Variants in HLCS observed in about 807,000 individuals in gnomAD.
The protein encoded by HLCS is biotin--protein ligase.
HLCS carries 53 observed loss-of-function variants against 75.0 expected under a neutral mutation model. That is an observed-to-expected ratio of 0.71 (90% CI 0.57 to 0.89). The LOEUF (loss-of-function observed/expected upper bound fraction) is 0.89, where lower values mean the gene tolerates loss of function less well. HLCS is among the 40% of genes least tolerant of loss of function. The pLI, the probability that HLCS is intolerant of heterozygous loss-of-function variation, is 0.00. For synonymous variants in HLCS, 431 were observed against 428.6 expected (o/e 1.01, Z -0.07); for missense variants, 966 against 1,074.0 (o/e 0.90, Z 1.41).
chr21:36,906,912 T>A (rs373492374), intron 5 of HLCS, among the ~76,000 whole-genome samples: 73 of 152,228 alleles, frequency 4.8e-4, no homozygotes, highest in African/African-American at 1.5e-3. Context: ...TGTGATTGAT[T>A]TTTTTTAATT....
At chr21:36,888,429 A>AT (rs1212386745) in intron 6 of HLCS, among the ~76,000 whole-genome samples, 22 of 51,590 alleles carry the variant, frequency 4.3e-4, no homozygotes, top group African/African-American at 1.3e-3. Flanking sequence ...CCCCCTTCCC[A>AT]TTTAAAAAAA....
intron 2 of HLCS, among the ~76,000 whole-genome samples, chr21:36,952,660 G>A (rs969691129): frequency 6.6e-6 from 1 of 151,932 alleles, no homozygotes; most frequent in African/African-American, 2.4e-5. Flanking sequence ...TTGTGGTGGT[G>A]CAGGCCTGCA....
chr21:36,891,699 C>G (rs1650335129), intron 6 of HLCS, among the ~76,000 whole-genome samples: 1 of 152,210 alleles, frequency 6.6e-6, no homozygotes, highest in South Asian at 2.1e-4. Context: ...GTCCTTGACA[C>G]TCTCAGCAAG....
chr21:36,909,677 T>C (rs2065618402), intron 5 of HLCS, among the ~76,000 whole-genome samples: 1 of 152,188 alleles, frequency 6.6e-6, no homozygotes, highest in African/African-American at 2.4e-5. Flanking sequence ...ACTGTAACCT[T>C]GAACTCCTGG....
At chr21:36,985,991 G>A (rs1164749159) in intron 1 of HLCS, among the ~76,000 whole-genome samples, 2 of 152,150 alleles carry the variant, frequency 1.3e-5, no homozygotes, top group African/African-American at 2.4e-5. Context: ...TGTGGAGTGA[G>A]GCTTTGGCAT....
chr21:36,761,570 C>T (rs1223777921), intron 8 of HLCS, among the ~76,000 whole-genome samples: 1 of 152,198 alleles, frequency 6.6e-6, no homozygotes, highest in South Asian at 2.1e-4. Flanking sequence ...GGAGACTTCC[C>T]TGGTTGTCAC....
At chr21:36,785,786 G>A (rs1200182948) in intron 6 of HLCS, among the ~76,000 whole-genome samples, 1 of 152,076 alleles carries the variant, frequency 6.6e-6, no homozygotes, top group Admixed American at 6.5e-5. Flanking sequence ...ATGCTCTTAG[G>A]TTTCCCCAAG....
At position 36,897,011 on chromosome 21, in the gene HLCS, G is replaced by A. The variant is rs753297035; in HGVS notation, c.1741C>T (p.Pro581Ser). Reference sequence around the variant, plus strand: ...TTGGTCACCACAGGTATACAAGATGGGGTTATTTCTACTTCAGACACGTAG... The same window carrying A: ...TTGGTCACCACAGGTATACAAGATGAGGTTATTTCTACTTCAGACACGTAG... ...SSYVSEVEIT[P>S]SCIPVVTNME... The change falls in exon 6 of 11, where the codon CCA (proline) becomes TCA (serine). Residue 581 changes from proline (P) to serine (S), a missense_variant. By Grantham distance (74) the Pro-to-Ser change is moderately conservative (BLOSUM62 -1). Transcript: ENST00000674895. 2.5e-6 allele frequency: 4 copies of A among 1,614,038 alleles called. No individual in the cohort carries two copies. In the Admixed American group the frequency reaches 6.7e-5, roughly 27 times the overall value.
intron 6 of HLCS, among the ~76,000 whole-genome samples, chr21:36,870,238 G>A (rs527910857): frequency 1.5e-4 from 23 of 152,116 alleles, no homozygotes; most frequent in Admixed American, 1.2e-3. Context: ...GAGAAGCTGC[G>A]TCTGGACCAC....
intron 6 of HLCS, among the ~76,000 whole-genome samples, chr21:36,793,027 C>T (rs2060916286): frequency 6.6e-6 from 1 of 152,240 alleles, no homozygotes; most frequent in South Asian, 2.1e-4. Flanking sequence ...GCAGCTGCAT[C>T]TGTGGTCCTC....
chr21:36,801,887 G>C (rs1208906358), intron 6 of HLCS, among the ~76,000 whole-genome samples: 1 of 151,588 alleles, frequency 6.6e-6, no homozygotes, highest in Non-Finnish European at 1.5e-5. Context: ...TCATGCCTTG[G>C]CCTCCCAAAG....
chr21:36,980,026 C>CAAAAAAAAA (rs71198844), intron 1 of HLCS, among the ~76,000 whole-genome samples: 3 of 55,124 alleles, frequency 5.4e-5, no homozygotes, highest in African/African-American at 2.5e-4. Flanking sequence ...GTCCCCATCT[C>CAAAAAAAAA]AAAAAAAAAA....
intron 10 of HLCS, among the ~76,000 whole-genome samples, chr21:36,756,033 G>A (rs779760215): frequency 5.9e-5 from 9 of 152,262 alleles, no homozygotes; most frequent in South Asian, 2.1e-4. Flanking sequence ...TAAGATGCCC[G>A]TTTGCTCCAT....
chr21:36,956,582 T>C (rs947108917), intron 2 of HLCS, among the ~76,000 whole-genome samples: 1 of 151,524 alleles, frequency 6.6e-6, no homozygotes, highest in African/African-American at 2.4e-5. Flanking sequence ...CAAAAAAAAT[T>C]AGCCGGGTGT....
chr21:36,753,855 C>T lies in HLCS; in HGVS notation c.*391G>A, dbSNP rs1440201987. The T allele has an allele frequency of 7.0e-5, 23 of 328,110 alleles. No individual in the cohort carries two copies. Among genetic ancestry groups the T allele is most frequent in the South Asian group, 5.6e-4 (21 of 37,396 alleles). The allele number at this position is 328,110 out of a possible 1,614,324, so 20.3% of individuals were successfully genotyped here. ...ACCTCTAACTCACCACTGGCCTGGG[C>T]GCAAGAGCATATTTTGGTTTGTTTT... On this transcript the variant is annotated 3_prime_UTR_variant, in exon 11 of 11. Transcript: ENST00000674895. This position sits in a 1 kb window ranked among gnomAD's most constrained non-coding sequence, Gnocchi z 4.3.
At chr21:36,866,606 G>C (rs1164008526) in intron 6 of HLCS, among the ~76,000 whole-genome samples, 1 of 152,202 alleles carries the variant, frequency 6.6e-6, no homozygotes, top group African/African-American at 2.4e-5. Flanking sequence ...CAAATTCACA[G>C]AGGAAACACA....
At chr21:36,935,023 G>A (rs1315280847) in intron 4 of HLCS, among the ~76,000 whole-genome samples, 1 of 152,138 alleles carries the variant, frequency 6.6e-6, no homozygotes, top group Non-Finnish European at 1.5e-5. Flanking sequence ...TTTAAATGGT[G>A]CAGCAAGCAG....
chr21:36,877,008 C>T (rs1227496750), intron 6 of HLCS, among the ~76,000 whole-genome samples: 1 of 152,148 alleles, frequency 6.6e-6, no homozygotes, highest in Non-Finnish European at 1.5e-5. Flanking sequence ...AATATCCCTC[C>T]CCATCTTTTG....
Position 36,885,800 on chromosome 21 carries a change from C to T in HLCS, c.1892+11060G>A, listed in dbSNP as rs117337411. Among the ~76,000 whole-genome samples, 233 of 152,268 alleles carry T rather than the reference C, an allele frequency of 1.5e-3. 1 individual carries two copies. Among genetic ancestry groups the T allele is most frequent in the Middle Eastern group, 6.8e-3 (2 of 294 alleles). ...AGAGCCTCACACAGGATCTTGCACA[C>T]AGCTGGTGTGCCAGAGAAAGTAGTT... On this transcript the variant is annotated intron_variant, in intron 6 of 10. Transcript: ENST00000674895.
Sources: allele counts gnomAD v4.1 joint callset (sites outside exome capture counted in the v4.1 genomes callset), GRCh38; gene constraint gnomAD v4.1.1; non-coding constraint Gnocchi (gnomAD v3.1); transcripts MANE v1.5; gene names NCBI Gene and HGNC (gene_info 2026-07-23, HGNC 2026-07-21).